The following SLC13A4 variants were observed in gnomAD, a reference collection of about 807,000 sequenced individuals.
SLC13A4 encodes the protein Na(+)/sulfate cotransporter SUT-1.
Under a neutral mutation model 72.7 loss-of-function variants are expected in SLC13A4, and 28 were observed. The observed-to-expected ratio is 0.39, with a 90% CI of 0.29 to 0.53. The LOEUF (loss-of-function observed/expected upper bound fraction) is 0.53. Among genes scored for constraint, SLC13A4 ranks in the 20% least tolerant of loss-of-function variants. SLC13A4 has a pLI of 0.78. For synonymous variants in SLC13A4, 312 were observed against 325.5 expected (o/e 0.96, Z 0.45); for missense variants, 653 against 788.0 (o/e 0.83, Z 2.05).
intron 8 of SLC13A4, among the ~76,000 whole-genome samples, chr7:135,695,934 T>C (rs567521990): frequency 4.3e-4 from 66 of 152,326 alleles, no homozygotes; most frequent in African/African-American, 1.6e-3. Flanking sequence ...ATGAAGTTTT[T>C]AGATATTAAC....
intron 15 of SLC13A4, chr7:135,683,383 A>T (rs923610665): frequency 1.0e-6 from 1 of 979,898 alleles, no homozygotes; most frequent in Non-Finnish European, 1.2e-6. Context: ...CCTTTCCTCT[A>T]TTTGTTACTT....
In SLC13A4 at chr7:135,716,520, C is replaced by G. The variant is rs1193399491; in HGVS notation, c.228+4875G>C. Among the ~76,000 whole-genome samples, 54 of 152,176 alleles carry G rather than the reference C, an allele frequency of 3.5e-4. 1 individual carries two copies. The highest frequency in any genetic ancestry group is 3.5e-3 in the Admixed American group (54 of 15,270). On this transcript the variant is annotated intron_variant, in intron 2 of 15. Transcript: ENST00000682651. ...GTAGAGATGGGTTTCACCATGCTGG[C>G]CAGGCTGGTCTCAAACCCCTGACCT...
chr7:135,688,553 G>C (rs1261532128), intron 13 of SLC13A4, among the ~76,000 whole-genome samples: 1 of 152,000 alleles, frequency 6.6e-6, no homozygotes, highest in Non-Finnish European at 1.5e-5. Flanking sequence ...CACCATGCCC[G>C]GCCTAGTAAA....
intron 14 of SLC13A4, 96 bp downstream of exon 14, chr7:135,685,426 A>G: frequency 9.5e-7 from 1 of 1,053,148 alleles, no homozygotes; most frequent in Non-Finnish European, 1.4e-6. Flanking sequence ...TAACCAGAGG[A>G]GAGCCTACAG....
intron 3 of SLC13A4, among the ~76,000 whole-genome samples, chr7:135,706,980 G>A (rs566698812): frequency 2.0e-5 from 3 of 152,310 alleles, no homozygotes; most frequent in African/African-American, 7.2e-5. Context: ...GTACAGACAT[G>A]TCCTAGTTTC....
intron 1 of SLC13A4, among the ~76,000 whole-genome samples, chr7:135,726,698 G>A (rs1213587551): frequency 1.3e-5 from 2 of 152,120 alleles, no homozygotes; most frequent in African/African-American, 4.8e-5. Context: ...AGAGTTTGGG[G>A]GCTCTTATCT....
At chr7:135,681,946 G>C (rs759162960) in intron 15 of SLC13A4, among the ~76,000 whole-genome samples, 35 of 152,204 alleles carry the variant, frequency 2.3e-4, no homozygotes, top group South Asian at 1.0e-3. Context: ...AGCCTAGAAG[G>C]TATGTTAGTT....
rs529930958 is a variant in SLC13A4, at chr7:135,703,074, A to G, written c.594-190T>C. On this transcript the variant is annotated intron_variant, in intron 5 of 15. Transcript: ENST00000682651. The stretch of plus-strand genomic sequence containing the variant: ...AGATGCTGTAAGGATTAGTGGGGCC[A>G]GGGGCCTGCTTCCTTCTGAGGGCAG... The G allele has an allele frequency of 2.7e-5, 16 of 588,120 alleles. No individual in the cohort carries two copies. The African/African-American group carries it at 3.0e-4, about 11-fold the overall frequency. 36.4% of individuals were successfully genotyped at this position (588,120 alleles called of 1,614,324 possible).
chr7:135,706,098 A>G lies in SLC13A4; in HGVS notation c.538+30T>C, dbSNP rs1016217436. The stretch of plus-strand genomic sequence containing the variant: ...GGACCCCAGGGGAGGTTGGAGGAGC[A>G]AAGGAGAGATGAACTCCAGCAAACT... On this transcript the variant is annotated intron_variant, in intron 4 of 15. Coordinates refer to ENST00000682651, the MANE Select transcript of SLC13A4 (RefSeq NM_001318192.2). The G allele has an allele frequency of 1.9e-6, 3 of 1,548,578 alleles. No homozygotes were observed. The East Asian group carries it at 6.8e-5, about 35-fold the overall frequency.
At chr7:135,695,585 G>T (rs1485446630) in intron 8 of SLC13A4, 98 bp from the exon 9 acceptor site, 3 of 1,341,322 alleles carry the variant, frequency 2.2e-6, no homozygotes, top group African/African-American at 2.9e-5. Context: ...ATACAGCTGG[G>T]CTAAGTGGGG....
At chr7:135,694,083 T>C (rs1795849885) in intron 10 of SLC13A4, 54 bp downstream of exon 10, 3 of 1,093,612 alleles carry the variant, frequency 2.7e-6, no homozygotes, top group Non-Finnish European at 2.8e-6. Flanking sequence ...TGTGCTCACT[T>C]TACCTGCTGT....
At chr7:135,695,531 T>A in intron 8 of SLC13A4, 44 bp from the exon 9 acceptor site, 1 of 1,594,260 alleles carries the variant, frequency 6.3e-7, no homozygotes, top group Non-Finnish European at 8.6e-7. Flanking sequence ...AGGGAGGGTT[T>A]CCATATGGTA....
chr7:135,682,608 C>T (rs893685970), intron 15 of SLC13A4, among the ~76,000 whole-genome samples: 3 of 152,204 alleles, frequency 2.0e-5, no homozygotes, highest in Admixed American at 1.3e-4. Flanking sequence ...TGTTTCCCCA[C>T]AGGTGAGAGG....
chr7:135,693,100 C>CAAAAAAAA (rs776332933), intron 10 of SLC13A4: 1 of 53,114 alleles, frequency 1.9e-5, no homozygotes, highest in Non-Finnish European at 3.2e-5. Flanking sequence ...GACTCCATCC[C>CAAAAAAAA]AAAAAAAAAA....
chr7:135,715,181 GTA>G (rs1284699846), intron 2 of SLC13A4, among the ~76,000 whole-genome samples: 1 of 151,530 alleles, frequency 6.6e-6, no homozygotes, highest in Non-Finnish European at 1.5e-5. Context: ...GTGTATATGG[GTA>G]TATAAGTGTG....
chr7:135,695,313 C>G, intron 9 of SLC13A4, 55 bp downstream of exon 9: 1 of 1,608,384 alleles, frequency 6.2e-7, no homozygotes, highest in Non-Finnish European at 8.5e-7. Flanking sequence ...CATGCCATGG[C>G]CTTTGGATCA....
intron 3 of SLC13A4, 103 bp from the exon 4 acceptor site, chr7:135,706,403 G>A (rs1419227239): frequency 2.4e-6 from 3 of 1,256,796 alleles, no homozygotes; most frequent in African/African-American, 1.5e-5. Context: ...CTAGACAGCT[G>A]TGGCTGGAAA....
At chr7:135,722,384 A>C (rs985239216) in intron 1 of SLC13A4, among the ~76,000 whole-genome samples, 1 of 152,230 alleles carries the variant, frequency 6.6e-6, no homozygotes, top group Admixed American at 6.5e-5. Flanking sequence ...ACTGAAGAGA[A>C]GTGGATCAGT....
rs771918523 is a variant in SLC13A4 at position 135,694,255 on chromosome 7, A to T, written c.1020-17T>A. 5.5e-6 allele frequency: 8 copies of T among 1,466,554 alleles called. No individual in the cohort carries two copies. Among genetic ancestry groups the T allele is most frequent in the Non-Finnish European group, 7.6e-6 (8 of 1,048,776 alleles). The allele number at this position is 1,466,554 out of a possible 1,614,324, so 90.8% of individuals were successfully genotyped here. ...TCTTTAAAACTGAGAAGGGAGAATG[A>T]GCAAATGATTAAAGAAAACACACTT... On this transcript the variant is annotated splice_polypyrimidine_tract_variant and intron_variant, in intron 9 of 15. Coordinates refer to ENST00000682651, the MANE Select transcript of SLC13A4 (RefSeq NM_001318192.2).
Sources: allele counts gnomAD v4.1 joint callset (sites outside exome capture counted in the v4.1 genomes callset), GRCh38; gene constraint gnomAD v4.1.1; transcripts MANE v1.5; gene names NCBI Gene and HGNC (gene_info 2026-07-23, HGNC 2026-07-21).